Variants in RBFOX1 observed in about 807,000 individuals in gnomAD.
The protein encoded by RBFOX1 is RNA binding protein fox-1 homolog 1.
A neutral mutation model predicts 57.7 loss-of-function variants in RBFOX1; 8 were observed. The ratio of observed to expected loss-of-function variants is 0.14; its 90% CI spans 0.08 to 0.25. The LOEUF (loss-of-function observed/expected upper bound fraction) is 0.25. Among genes scored for constraint, RBFOX1 ranks in the 10% least tolerant of loss-of-function variants. The pLI, the probability that RBFOX1 is intolerant of heterozygous loss-of-function variation, is 1.00. For missense variants in RBFOX1, 611 were observed against 548.5 expected (o/e 1.11, Z -1.14); for synonymous variants, 326 against 222.4 (o/e 1.47, Z -4.15).
chr16:5,616,666 T>A (rs1319666677), intron 3 of RBFOX1, among the ~76,000 whole-genome samples: 1 of 82,924 alleles, frequency 1.2e-5, no homozygotes, highest in Admixed American at 1.4e-4. Context: ...TTCCTCCCCC[T>A]CATCCTCCCC....
At chr16:6,659,487 G>A (rs961950867) in intron 3 of RBFOX1, among the ~76,000 whole-genome samples, 7 of 151,948 alleles carry the variant, frequency 4.6e-5, no homozygotes, top group African/African-American at 1.7e-4. Context: ...AAGTACCGCC[G>A]AATACTTAAA....
chr16:7,500,718 T>G (rs1013377600), intron 4 of RBFOX1, among the ~76,000 whole-genome samples: 1 of 152,226 alleles, frequency 6.6e-6, no homozygotes, highest in Non-Finnish European at 1.5e-5. Context: ...CAATATTGTA[T>G]GTAAGGCTTA....
At chr16:7,123,361 T>C (rs1438915804) in intron 4 of RBFOX1, among the ~76,000 whole-genome samples, 4 of 152,068 alleles carry the variant, frequency 2.6e-5, no homozygotes, top group African/African-American at 9.7e-5. Flanking sequence ...CCATTGTTAT[T>C]ATTATTTATT....
At chr16:6,945,332 G>A (rs1404311572) in intron 3 of RBFOX1, among the ~76,000 whole-genome samples, 1 of 152,084 alleles carries the variant, frequency 6.6e-6, no homozygotes, top group African/African-American at 2.4e-5. Context: ...GCTTACCTAG[G>A]GCCAGACAGT....
chr16:7,101,877 T>C (rs1018011525), intron 4 of RBFOX1, among the ~76,000 whole-genome samples: 2 of 152,128 alleles, frequency 1.3e-5, no homozygotes, highest in Non-Finnish European at 2.9e-5. Context: ...ATTGTACAGT[T>C]GGTAAACTGT....
At chr16:6,416,984 C>G (rs995174582) in intron 2 of RBFOX1, among the ~76,000 whole-genome samples, 1 of 151,956 alleles carries the variant, frequency 6.6e-6, no homozygotes, top group Non-Finnish European at 1.5e-5. Flanking sequence ...CATTCCTTAC[C>G]TTAAATTTGT....
At chr16:6,502,026 G>C (rs1369215431) in intron 2 of RBFOX1, among the ~76,000 whole-genome samples, 1 of 152,136 alleles carries the variant, frequency 6.6e-6, no homozygotes, top group East Asian at 1.9e-4. Flanking sequence ...TGCCTGCTTA[G>C]GGGGGTCATG....
At chr16:7,501,629 C>T (rs777674534) in intron 4 of RBFOX1, among the ~76,000 whole-genome samples, 4 of 152,162 alleles carry the variant, frequency 2.6e-5, no homozygotes, top group African/African-American at 7.2e-5. Context: ...TTGATTCTGC[C>T]ACTCAGACTA....
chr16:5,399,153 C>T (rs1484638521), intron 1 of RBFOX1, among the ~76,000 whole-genome samples: 1 of 152,164 alleles, frequency 6.6e-6, no homozygotes, highest in African/African-American at 2.4e-5. Context: ...TTCCAAGCCT[C>T]AGTTTCCTTA....
chr16:6,336,479 C>G (rs554730216), intron 2 of RBFOX1, among the ~76,000 whole-genome samples: 2 of 151,964 alleles, frequency 1.3e-5, no homozygotes, highest in Non-Finnish European at 2.9e-5. Flanking sequence ...TCAGAGCTAG[C>G]TTTGAACTTC....
At chr16:7,436,596 A>G (rs1040931972) in intron 4 of RBFOX1, among the ~76,000 whole-genome samples, 6 of 152,212 alleles carry the variant, frequency 3.9e-5, no homozygotes, top group Non-Finnish European at 5.9e-5. Flanking sequence ...CCATGAGGTT[A>G]AAGGATTGGC....
chr16:7,024,594 G>A (rs868660374), intron 3 of RBFOX1, among the ~76,000 whole-genome samples: 3 of 152,108 alleles, frequency 2.0e-5, no homozygotes, highest in Admixed American at 6.6e-5. Context: ...TATTGCAAGC[G>A]ATAACTGTGG....
At chr16:6,825,405 A>C (rs1240936718) in intron 3 of RBFOX1, among the ~76,000 whole-genome samples, 2 of 152,116 alleles carry the variant, frequency 1.3e-5, no homozygotes, top group Non-Finnish European at 2.9e-5. Context: ...CGGAAAAGCC[A>C]GAGATTATTC....
chr16:7,203,919 A>C (rs1943232248), intron 4 of RBFOX1, among the ~76,000 whole-genome samples: 1 of 152,252 alleles, frequency 6.6e-6, no homozygotes, highest in Non-Finnish European at 1.5e-5. Flanking sequence ...GGACAGGTGC[A>C]CATTTACATA....
At chr16:7,025,808 A>T (rs960006282) in intron 3 of RBFOX1, among the ~76,000 whole-genome samples, 26 of 152,274 alleles carry the variant, frequency 1.7e-4, no homozygotes, top group Admixed American at 1.3e-3. Flanking sequence ...GCAGGGATTC[A>T]AACTGGAGCA....
At chr16:5,706,194 G>T (rs769795992) in intron 3 of RBFOX1, among the ~76,000 whole-genome samples, 5 of 152,152 alleles carry the variant, frequency 3.3e-5, no homozygotes, top group Non-Finnish European at 7.3e-5. Context: ...TACAGGCGTG[G>T]GCCATGGCTC....
At chr16:6,981,417 A>G (rs998827606) in intron 3 of RBFOX1, among the ~76,000 whole-genome samples, 2 of 152,172 alleles carry the variant, frequency 1.3e-5, no homozygotes, top group Admixed American at 1.3e-4. Context: ...CCTGCAAAGG[A>G]CATCATCTTA....
chr16:7,025,578 G>A (rs564251516), intron 3 of RBFOX1, among the ~76,000 whole-genome samples: 2 of 152,122 alleles, frequency 1.3e-5, no homozygotes, highest in Admixed American at 1.3e-4. Context: ...TGTGCAGTGT[G>A]CATTTGCATG....
At chr16:5,402,555 T>A (rs763752592) in intron 1 of RBFOX1, among the ~76,000 whole-genome samples, 2 of 152,238 alleles carry the variant, frequency 1.3e-5, no homozygotes, top group Non-Finnish European at 2.9e-5. Flanking sequence ...AAATACCTGC[T>A]TTCTTCCAAA....
Sources: gnomAD v4.1 joint callset for allele counts (sites outside exome capture counted in the v4.1 genomes callset) on GRCh38, gnomAD v4.1.1 for gene constraint, MANE v1.5 for transcripts, NCBI Gene and HGNC (gene_info 2026-07-23, HGNC 2026-07-21) for gene names.